The following NUDT4 variants were observed in gnomAD, a reference collection of about 807,000 sequenced individuals.
NUDT4 encodes the protein diphosphoinositol polyphosphate phosphohydrolase 2.
NUDT4 carries 5 observed loss-of-function variants against 23.1 expected under a neutral mutation model. That is an observed-to-expected ratio of 0.22 (90% CI 0.11 to 0.46). The LOEUF is 0.46. NUDT4 is among the 20% of genes least tolerant of loss of function. The pLI, the probability that NUDT4 is intolerant of heterozygous loss-of-function variation, is 0.99. For missense variants in NUDT4, 96 were observed against 211.6 expected, an observed-to-expected ratio of 0.45 and a Z score of 3.39; for synonymous variants, 50 against 79.0, an observed-to-expected ratio of 0.63 and a Z score of 1.95.
chr12:93,386,270 G>A (rs899230166), intron 1 of NUDT4, among the ~76,000 whole-genome samples: 2 of 151,964 alleles, frequency 1.3e-5, no homozygotes, highest in African/African-American at 2.4e-5. Context: ...ATTGTGCCTG[G>A]CCTATAGAAG....
intron 1 of NUDT4, among the ~76,000 whole-genome samples, chr12:93,392,893 C>G (rs943434584): frequency 7.4e-6 from 1 of 134,602 alleles, no homozygotes; most frequent in African/African-American, 2.7e-5. Flanking sequence ...TTTGTCCAGG[C>G]TGGTGTGGAA....
At chr12:93,383,738 A>G (rs1250195162) in intron 1 of NUDT4, among the ~76,000 whole-genome samples, 1 of 152,212 alleles carries the variant, frequency 6.6e-6, no homozygotes, top group African/African-American at 2.4e-5. Context: ...AGGCTGAGGT[A>G]GGAGAATCCC....
rs1256465025 is a variant in NUDT4 at position 93,377,974 on chromosome 12, C to G, written c.-349C>G. The G allele has an allele frequency of 4.1e-6, 1 of 241,272 alleles. No homozygotes were observed. The highest frequency in any genetic ancestry group is 8.2e-6 in the Non-Finnish European group (1 of 121,398). The allele number at this position is 241,272 out of a possible 1,614,324, so 14.9% of individuals were successfully genotyped here. A position where few individuals can be genotyped will look rare whatever the true frequency, so the allele number is the denominator to read the frequency against. On this transcript the variant is annotated 5_prime_UTR_variant, in exon 1 of 5. Coordinates refer to ENST00000415493, the MANE Select transcript of NUDT4 (RefSeq NM_019094.6). ...TGGGAGCGGGTCTTCGCAACTGTCT[C>G]CGCGTGGCGCGCGCCTCTAGCCGCC...
At chr12:93,394,437 A>G (rs1876782421) in intron 1 of NUDT4, among the ~76,000 whole-genome samples, 172 bp from the exon 2 acceptor site, 1 of 152,246 alleles carries the variant, frequency 6.6e-6, no homozygotes, top group Non-Finnish European at 1.5e-5. Context: ...ATGGTGTTTA[A>G]CAAAGGTTGT....
chr12:93,394,653 C>A lies in NUDT4; in HGVS notation c.144C>A (p.Val48=). The A allele has an allele frequency of 1.3e-6, 2 of 1,555,432 alleles. No homozygotes were observed. Among genetic ancestry groups the A allele is most frequent in the Non-Finnish European group, 1.7e-6 (2 of 1,149,150 alleles). Residue 48 remains valine (V), a synonymous_variant, in exon 2 of 5, where the codon GTC becomes GTA. Transcript: ENST00000415493. ...GCCGGTACCCAGACCAGTGGATTGT[C>A]CCAGGAGGAGGAATGGAACCCGAGG... is the stretch of plus-strand genomic sequence containing the variant. ...SSSRYPDQWI[V]PGGGMEPEEE...
intron 1 of NUDT4, among the ~76,000 whole-genome samples, chr12:93,392,666 C>CTTT (rs71307563): frequency 3.9e-5 from 3 of 76,168 alleles, no homozygotes; most frequent in Non-Finnish European, 2.5e-5. Flanking sequence ...AGATTTCAGT[C>CTTT]TTTTTTTTTT....
rs897902304 is a variant in NUDT4, at chr12:93,406,611, A to G, written c.*7232A>G. ...TCAAACAACCAGACAAAATATTCCA[A>G]AAAACATTGTGTCTGTAGTCAACAT... On this transcript the variant is annotated 3_prime_UTR_variant, in exon 5 of 5. Transcript: ENST00000415493. The G allele has an allele frequency of 6.6e-6, 1 of 152,258 alleles. No individual in the cohort carries two copies. Among genetic ancestry groups the G allele is most frequent in the African/African-American group, 2.4e-5 (1 of 41,448 alleles). 9.4% of individuals were successfully genotyped at this position (152,258 alleles called of 1,614,324 possible).
At position 93,405,405 on chromosome 12, in the gene NUDT4, ATACACT is replaced by A. The variant is rs1313826038; in HGVS notation, c.*6030_*6035del. On this transcript the variant is annotated 3_prime_UTR_variant, in exon 5 of 5. Coordinates refer to ENST00000415493, the MANE Select transcript of NUDT4 (RefSeq NM_019094.6). ...AGAGGTTGGTATCAAGTCTATGTTC[ATACACT>A]TACCAGTGCCACCCAGCAGGGCCAT... The A allele has an allele frequency of 5.9e-5, 9 of 152,260 alleles. No homozygotes were observed. Among genetic ancestry groups the A allele is most frequent in the Non-Finnish European group, 1.2e-4 (8 of 68,046 alleles). The allele number at this position is 152,260 out of a possible 1,614,324, so 9.4% of individuals were successfully genotyped here.
At position 93,395,731 on chromosome 12, in the gene NUDT4, A is replaced by T. The variant is rs187515422; in HGVS notation, c.255+198A>T. 7.8e-3 allele frequency among the ~76,000 whole-genome samples: 1,183 copies of T among 151,796 alleles called. 11 individuals carry two copies. Among genetic ancestry groups the T allele is most frequent in the Non-Finnish European group, 0.014 (923 of 67,924 alleles). ...ACTTTTATTTATTTATTTTTAATTA[A>T]TTTTTTTTAAGACAGAGTCTCGCTC... On this transcript the variant is annotated intron_variant, in intron 3 of 4. Transcript: ENST00000415493.
At chr12:93,379,443 G>A (rs1875475683) in intron 1 of NUDT4, among the ~76,000 whole-genome samples, 1 of 152,228 alleles carries the variant, frequency 6.6e-6, no homozygotes, top group South Asian at 2.1e-4. Flanking sequence ...TAAGGCTGGA[G>A]ATGGGAATTT....
chr12:93,378,513 G>A (rs1450490810), intron 1 of NUDT4, 92 bp downstream of exon 1: 7 of 1,339,318 alleles, frequency 5.2e-6, no homozygotes, highest in South Asian at 1.7e-5. Flanking sequence ...CGCAGGCTGC[G>A]GGGCTGGGAG....
intron 1 of NUDT4, among the ~76,000 whole-genome samples, chr12:93,384,316 T>G (rs1316786640): frequency 1.3e-5 from 2 of 152,088 alleles, no homozygotes; most frequent in Non-Finnish European, 2.9e-5. Context: ...TACAGGCGTG[T>G]GCTACCACGC....
chr12:93,379,567 C>T (rs1290568983), intron 1 of NUDT4, among the ~76,000 whole-genome samples: 2 of 150,664 alleles, frequency 1.3e-5, no homozygotes, highest in African/African-American at 4.8e-5. Context: ...CCCTTCAAAC[C>T]CTTGTTTTGC....
chr12:93,396,905 G>A (rs1876976945), intron 3 of NUDT4, among the ~76,000 whole-genome samples: 1 of 152,170 alleles, frequency 6.6e-6, no homozygotes, highest in Non-Finnish European at 1.5e-5. Context: ...GTAGAATTCA[G>A]TCTTTTCCAG....
In NUDT4 at chr12:93,400,797, C is replaced by G. The variant is rs1233276599; in HGVS notation, c.*1418C>G. On this transcript the variant is annotated 3_prime_UTR_variant, in exon 5 of 5. Transcript: ENST00000415493. ...GCTAATTTTGTATTTTTAGTAGAGA[C>G]AGGGTTTCTTCATGTTGGTCAGGCT... is the stretch of plus-strand genomic sequence containing the variant. 1.3e-5 allele frequency: 2 copies of G among 152,296 alleles called. No homozygotes were observed. Among genetic ancestry groups the G allele is most frequent in the African/African-American group, 4.8e-5 (2 of 41,482 alleles). The allele number at this position is 152,296 out of a possible 1,614,324, so 9.4% of individuals were successfully genotyped here. A position where few individuals can be genotyped will look rare whatever the true frequency, so the allele number is the denominator to read the frequency against.
In NUDT4 at chr12:93,404,923, A is replaced by ATT. The variant is rs1877722513; in HGVS notation, c.*5544_*5545insTT. ...ATGTTTTAGGTTTTTTTTTTTTTAAAAAAAATACTATGCCCATTTGTTTAC... is the reference window on the plus strand; with the variant it reads ...ATGTTTTAGGTTTTTTTTTTTTTAAATTAAAAATACTATGCCCATTTGTTTAC... On this transcript the variant is annotated 3_prime_UTR_variant, in exon 5 of 5. Transcript: ENST00000415493. 7.1e-6 allele frequency: 1 copy of ATT among 140,974 alleles called. No individual in the cohort carries two copies. The highest frequency in any genetic ancestry group is 1.6e-5 in the Non-Finnish European group (1 of 63,146). The allele number at this position is 140,974 out of a possible 1,614,324, so 8.7% of individuals were successfully genotyped here.
At chr12:93,380,083 A>G (rs1875550019) in intron 1 of NUDT4, among the ~76,000 whole-genome samples, 1 of 152,172 alleles carries the variant, frequency 6.6e-6, no homozygotes, top group African/African-American at 2.4e-5. Context: ...AAATGACACA[A>G]TTAGGAAGTG....
rs1253389720 is a variant in NUDT4, at chr12:93,407,247, T to C, written c.*7868T>C. The C allele has an allele frequency of 6.6e-6, 1 of 152,348 alleles. No individual in the cohort carries two copies. The highest frequency in any genetic ancestry group is 1.5e-5 in the Non-Finnish European group (1 of 68,160). 9.4% of individuals were successfully genotyped at this position (152,348 alleles called of 1,614,324 possible). ...TGTTCCCTCTGCCTGGAGATGTTCA[T>C]CTGGCCTGAATCCAAAAGTCTGTCC... is the stretch of plus-strand genomic sequence containing the variant. On this transcript the variant is annotated 3_prime_UTR_variant, in exon 5 of 5. Transcript: ENST00000415493.
At chr12:93,394,202 C>G (rs760527253) in intron 1 of NUDT4, among the ~76,000 whole-genome samples, 4 of 152,168 alleles carry the variant, frequency 2.6e-5, no homozygotes, top group Non-Finnish European at 5.9e-5. Flanking sequence ...TGGGGTTTCA[C>G]CATGTTAGCC....
Sources: gnomAD v4.1 joint callset for allele counts (sites outside exome capture counted in the v4.1 genomes callset) on GRCh38, gnomAD v4.1.1 for gene constraint, MANE v1.5 for transcripts, NCBI Gene and HGNC (gene_info 2026-07-23, HGNC 2026-07-21) for gene names.